GREB1: variants seen among roughly 807,000 people sequenced by gnomAD.
The protein encoded by GREB1 is protein GREB1.
In GREB1, 106 loss-of-function variants were observed where a neutral mutation model predicts 200.7. The ratio of observed to expected loss-of-function variants is 0.53; its 90% CI spans 0.45 to 0.62. The LOEUF is 0.62. GREB1 is among the 20% of genes least tolerant of loss of function. The probability of loss-of-function intolerance (pLI) is 0.00; values close to 1 mark genes in which losing one functional copy is unlikely to be tolerated. For missense variants in GREB1, 2,243 were observed against 2,556.8 expected, an observed-to-expected ratio of 0.88 and a Z score of 2.65; for synonymous variants, 1,132 against 1,092.4, an observed-to-expected ratio of 1.04 and a Z score of -0.72.
intron 7 of GREB1, among the ~76,000 whole-genome samples, chr2:11,583,766 G>A (rs186699889): frequency 9.8e-4 from 149 of 152,246 alleles, no homozygotes; most frequent in African/African-American, 3.5e-3. Flanking sequence ...GACTGAGGCA[G>A]GAGAATCGCT....
chr2:11,498,556 G>A (rs1425366860), intron 1 of GREB1, among the ~76,000 whole-genome samples: 2 of 152,188 alleles, frequency 1.3e-5, no homozygotes, highest in South Asian at 2.1e-4. Flanking sequence ...GTTCAGCTTC[G>A]GGACACCGTG....
At chr2:11,542,715 T>C (rs1674880291) in intron 1 of GREB1, 1 of 152,582 alleles carries the variant, frequency 6.6e-6, no homozygotes, top group Non-Finnish European at 1.5e-5. Flanking sequence ...AGCAGCAGTG[T>C]GTTCATGGAG....
rs1369362392 is a variant in GREB1, at chr2:11,633,553, G to A, written c.4991+490G>A. On this transcript the variant is annotated intron_variant, in intron 28 of 32. Coordinates refer to ENST00000381486, the MANE Select transcript of GREB1 (RefSeq NM_014668.4). This position sits in a 1 kb window ranked among gnomAD's most constrained non-coding sequence, Gnocchi z 4.1. ...CACTCCAGCCTGGCAGACAGAGCGA[G>A]ACTCCGTCTAAAAAAAAAAAAAAGA... Among the ~76,000 whole-genome samples the A allele has an allele frequency of 1.4e-5, 2 of 145,646 alleles. No individual in the cohort carries two copies. Among genetic ancestry groups the A allele is most frequent in the Non-Finnish European group, 3.0e-5 (2 of 66,580 alleles).
At chr2:11,560,812 C>T (rs1477296825) in intron 2 of GREB1, among the ~76,000 whole-genome samples, 2 of 152,096 alleles carry the variant, frequency 1.3e-5, no homozygotes, top group Non-Finnish European at 2.9e-5. Context: ...TATTAAATGA[C>T]ATTTAAAGAT....
intron 22 of GREB1, among the ~76,000 whole-genome samples, chr2:11,619,472 A>G (rs1683821928): frequency 1.3e-5 from 2 of 152,216 alleles, no homozygotes; most frequent in Admixed American, 6.5e-5. Flanking sequence ...GCGGTTCAGT[A>G]TCCATTTGTT....
At chr2:11,570,557 TC>T (rs1678164230) in intron 4 of GREB1, among the ~76,000 whole-genome samples, 1 of 152,024 alleles carries the variant, frequency 6.6e-6, no homozygotes, top group Non-Finnish European at 1.5e-5. Flanking sequence ...TGCATTTGTA[TC>T]AAGATCCAGA....
At chr2:11,497,586 A>C (rs1386702942) in intron 1 of GREB1, among the ~76,000 whole-genome samples, 2 of 152,232 alleles carry the variant, frequency 1.3e-5, no homozygotes, top group Non-Finnish European at 2.9e-5. Flanking sequence ...TCACACTCCC[A>C]CCAGCAATGT....
At chr2:11,618,989 G>A in intron 22 of GREB1, 70 bp downstream of exon 22, 1 of 1,356,558 alleles carries the variant, frequency 7.4e-7, no homozygotes, top group Non-Finnish European at 9.7e-7. Flanking sequence ...CTGGAGGGCA[G>A]GCCTGGGGGT....
At chr2:11,584,335 A>T (rs1232317114) in intron 7 of GREB1, among the ~76,000 whole-genome samples, 1 of 152,100 alleles carries the variant, frequency 6.6e-6, no homozygotes, top group African/African-American at 2.4e-5. Flanking sequence ...GGCGGGGATG[A>T]CTCATTGGAG....
chr2:11,571,897 G>A (rs1047114716), intron 4 of GREB1, among the ~76,000 whole-genome samples: 2 of 152,094 alleles, frequency 1.3e-5, no homozygotes, highest in African/African-American at 2.4e-5. Context: ...ATTTTTAGTA[G>A]AGACAGGGTT....
intron 1 of GREB1, among the ~76,000 whole-genome samples, chr2:11,498,304 G>C (rs1302488999): frequency 6.6e-6 from 1 of 152,016 alleles, no homozygotes; most frequent in Non-Finnish European, 1.5e-5. Context: ...AAAGGTTTAG[G>C]TCAAGGTTCA....
chr2:11,483,224 G>A (rs1279494110), intron 1 of GREB1, among the ~76,000 whole-genome samples: 1 of 149,802 alleles, frequency 6.7e-6, no homozygotes, highest in Non-Finnish European at 1.5e-5. Context: ...TGTGTGTGGG[G>A]TGTGCGTGCG....
intron 1 of GREB1, among the ~76,000 whole-genome samples, chr2:11,544,121 G>C (rs1192984764): frequency 6.6e-6 from 1 of 152,152 alleles, no homozygotes; most frequent in East Asian, 1.9e-4. Flanking sequence ...GTAACAGGTG[G>C]AGTGAAGGGA....
intron 17 of GREB1, among the ~76,000 whole-genome samples, chr2:11,603,674 G>T (rs961310604): frequency 3.9e-5 from 6 of 152,244 alleles, no homozygotes; most frequent in African/African-American, 1.4e-4. Flanking sequence ...CAGTTCTCCA[G>T]CACATGGATC....
chr2:11,577,928 G>T (rs1293744344), intron 5 of GREB1, among the ~76,000 whole-genome samples: 2 of 152,244 alleles, frequency 1.3e-5, no homozygotes, highest in Non-Finnish European at 2.9e-5. Flanking sequence ...GGCCGCTGGG[G>T]ATGGCCTTTC....
intron 8 of GREB1, 72 bp downstream of exon 8, chr2:11,585,346 A>ATGTGTGCG (rs1252899055): frequency 1.1e-6 from 1 of 928,656 alleles, no homozygotes. Flanking sequence ...AGTTGTGTGT[A>ATGTGTGCG]TGTGTGCGTG....
In GREB1 at chr2:11,635,367, G is replaced by A. The variant is rs990819207; in HGVS notation, c.5308G>A (p.Val1770Met). Residue 1770 changes from valine to methionine, a missense_variant, in exon 30 of 33, where the codon GTG (valine) becomes ATG (methionine). Coordinates refer to ENST00000381486, the MANE Select transcript of GREB1 (RefSeq NM_014668.4). Reference sequence around the variant, plus strand: ...CTTCAGCGTGATGAAGAAGCAGATCGTGGTGGGCGGCCACAGGTCCTTCCA... The same window carrying A: ...CTTCAGCGTGATGAAGAAGCAGATCATGGTGGGCGGCCACAGGTCCTTCCA... ...NRFSVMKKQI[V>M]VGGHRSFHIT... 12 of 1,613,542 alleles carry A rather than the reference G, an allele frequency of 7.4e-6. No homozygotes were observed. The highest frequency in any genetic ancestry group is 1.1e-5 in the South Asian group (1 of 91,014).
chr2:11,602,932 G>A (rs773639060), intron 17 of GREB1, among the ~76,000 whole-genome samples: 19 of 152,164 alleles, frequency 1.2e-4, no homozygotes, highest in Admixed American at 3.9e-4. Flanking sequence ...ATTTTGTGCC[G>A]TTCACTCTTC....
At chr2:11,581,110 T>C in intron 7 of GREB1, 5 of 609,224 alleles carry the variant, frequency 8.2e-6, no homozygotes, top group Non-Finnish European at 3.0e-6. Context: ...GCTGCACAGC[T>C]GGAGGATGGT....
Sources: gnomAD v4.1 joint callset for allele counts (sites outside exome capture counted in the v4.1 genomes callset) on GRCh38, gnomAD v4.1.1 for gene constraint, Gnocchi (gnomAD v3.1) non-coding constraint, MANE v1.5 for transcripts, NCBI Gene and HGNC (gene_info 2026-07-23, HGNC 2026-07-21) for gene names.